The following FGD4 variants were observed in gnomAD, a reference collection of about 807,000 sequenced individuals.
The protein encoded by FGD4 is FYVE, RhoGEF and PH domain-containing protein 4.
In FGD4, 42 loss-of-function variants were observed where a neutral mutation model predicts 102.0. That is an observed-to-expected ratio of 0.41 (90% CI 0.32 to 0.53). The LOEUF (loss-of-function observed/expected upper bound fraction) is 0.53. Among genes scored for constraint, FGD4 ranks in the 20% least tolerant of loss-of-function variants. The pLI is 0.21. For synonymous variants in FGD4, 380 were observed against 375.7 expected, an observed-to-expected ratio of 1.01 and a Z score of -0.13; for missense variants, 902 against 1,078.2, an observed-to-expected ratio of 0.84 and a Z score of 2.29.
chr12:32,414,556 A>G (rs981022993), intron 1 of FGD4, among the ~76,000 whole-genome samples: 1 of 152,026 alleles, frequency 6.6e-6, no homozygotes, highest in Non-Finnish European at 1.5e-5. Flanking sequence ...GTACTCATTA[A>G]TCATCCCCAT....
chr12:32,406,233 T>C (rs113599948), intron 1 of FGD4, among the ~76,000 whole-genome samples: 9,489 of 151,884 alleles, frequency 0.062, 420 homozygotes, highest in Middle Eastern at 0.14. Flanking sequence ...TGAGCCACTG[T>C]GCCCAGCCTA....
chr12:32,428,429 A>G (rs1400092380), intron 1 of FGD4, among the ~76,000 whole-genome samples: 2 of 152,100 alleles, frequency 1.3e-5, no homozygotes, highest in Non-Finnish European at 2.9e-5. Flanking sequence ...CTGCAGAGAG[A>G]TCTGCTATTA....
chr12:32,446,473 C>A (rs1942620287), intron 1 of FGD4, among the ~76,000 whole-genome samples: 1 of 152,104 alleles, frequency 6.6e-6, no homozygotes, highest in African/African-American at 2.4e-5. Context: ...CTTAGCAAGG[C>A]CTGTTTGTTC....
rs186466468 is a variant in FGD4 at position 32,505,195 on chromosome 12, T to C, written c.167-58942T>C. 7.9e-5 allele frequency among the ~76,000 whole-genome samples: 12 copies of C among 152,284 alleles called. 1 individual carries two copies. In the East Asian group the frequency reaches 2.3e-3, roughly 29 times the overall value. Reference sequence around the variant, plus strand: ...AATCTGTTCGCATTTTTCACAATTTTGAGAAATAGATGTACTGAAAATTGC... The same window carrying C: ...AATCTGTTCGCATTTTTCACAATTTCGAGAAATAGATGTACTGAAAATTGC... On this transcript the variant is annotated intron_variant, in intron 1 of 16. Transcript: ENST00000534526.
intron 2 of FGD4, among the ~76,000 whole-genome samples, chr12:32,566,079 G>A (rs559975773): frequency 1.3e-5 from 2 of 152,278 alleles, no homozygotes; most frequent in South Asian, 4.1e-4. Flanking sequence ...TTTGTGATCT[G>A]AAAGTCCAAG....
At chr12:32,543,118 T>C (rs1942973501) in intron 1 of FGD4, among the ~76,000 whole-genome samples, 1 of 152,340 alleles carries the variant, frequency 6.6e-6, no homozygotes, top group East Asian at 1.9e-4. Flanking sequence ...TCAGATTTAA[T>C]AATTTGCTAG....
At chr12:32,490,049 T>C (rs951136154) in intron 1 of FGD4, among the ~76,000 whole-genome samples, 1 of 152,172 alleles carries the variant, frequency 6.6e-6, no homozygotes, top group Non-Finnish European at 1.5e-5. Context: ...ATAAAGATAT[T>C]TTCCTATAGT....
intron 1 of FGD4, among the ~76,000 whole-genome samples, chr12:32,420,159 T>C (rs562633586): frequency 6.6e-6 from 1 of 152,158 alleles, no homozygotes; most frequent in Non-Finnish European, 1.5e-5. Flanking sequence ...TCCATCATCT[T>C]GCTCTGCCCC....
chr12:32,596,088 CTTTGCTTTTAGAGT>C (rs149117509), intron 4 of FGD4, among the ~76,000 whole-genome samples: 4,619 of 152,270 alleles, frequency 0.03, 232 homozygotes, highest in African/African-American at 0.1. Flanking sequence ...CTTTGGTCTA[CTTTGCTTTTAGAGT>C]TTTGCCTATA....
At chr12:32,491,576 A>G (rs1944093086) in intron 1 of FGD4, among the ~76,000 whole-genome samples, 1 of 152,220 alleles carries the variant, frequency 6.6e-6, no homozygotes, top group African/African-American at 2.4e-5. Flanking sequence ...TGCATTTCAG[A>G]AAATGTATAT....
At position 32,633,775 on chromosome 12, in the gene FGD4, G is replaced by A. The variant is rs1950632514; in HGVS notation, c.2313+86G>A. ...CTGTCACCCAGGCTGAGGTGCAGTG[G>A]CACGATCTCAGCTCACTGCAACCTC... On this transcript the variant is annotated intron_variant, in intron 15 of 16. Transcript: ENST00000534526. The A allele has an allele frequency of 2.4e-6, 3 of 1,260,382 alleles. No homozygotes were observed. The African/African-American group carries it at 4.5e-5, about 19-fold the overall frequency. The allele number at this position is 1,260,382 out of a possible 1,614,324, so 78.1% of individuals were successfully genotyped here. A position where few individuals can be genotyped will look rare whatever the true frequency, so the allele number is the denominator to read the frequency against.
intron 2 of FGD4, among the ~76,000 whole-genome samples, chr12:32,569,805 C>T (rs1453946635): frequency 6.6e-6 from 1 of 152,030 alleles, no homozygotes; most frequent in Non-Finnish European, 1.5e-5. Flanking sequence ...AATAAACACC[C>T]TATATAGAGG....
At chr12:32,441,687 C>G (rs1942439997) in intron 1 of FGD4, among the ~76,000 whole-genome samples, 1 of 152,044 alleles carries the variant, frequency 6.6e-6, no homozygotes, top group African/African-American at 2.4e-5. Flanking sequence ...TTGCTTGTCC[C>G]CCTAGTCCAC....
intron 1 of FGD4, among the ~76,000 whole-genome samples, chr12:32,435,886 G>C (rs1424526430): frequency 6.6e-6 from 1 of 152,148 alleles, no homozygotes; most frequent in Non-Finnish European, 1.5e-5. Flanking sequence ...CAACAGCAAG[G>C]AGAGCTGAGA....
chr12:32,560,727 C>T (rs1404311489), intron 1 of FGD4, among the ~76,000 whole-genome samples: 4 of 152,134 alleles, frequency 2.6e-5, no homozygotes, highest in Non-Finnish European at 4.4e-5. Flanking sequence ...AGGTCTCCCT[C>T]TGTTGACCAG....
At chr12:32,635,406 T>C (rs1383987273) in intron 15 of FGD4, among the ~76,000 whole-genome samples, 3 of 152,224 alleles carry the variant, frequency 2.0e-5, no homozygotes, top group Admixed American at 2.0e-4. Context: ...GAAAAATTAA[T>C]GAATTACTTA....
At chr12:32,507,529 G>A (rs1360133773) in intron 1 of FGD4, among the ~76,000 whole-genome samples, 1 of 152,180 alleles carries the variant, frequency 6.6e-6, no homozygotes, top group East Asian at 1.9e-4. Context: ...TAAAAATCAT[G>A]TTAAGTGAGT....
rs575839052 is a variant in FGD4, at chr12:32,427,828, G to A, written c.166+27869G>A. 3.3e-5 allele frequency among the ~76,000 whole-genome samples: 5 copies of A among 152,206 alleles called. No homozygotes were observed. In the East Asian group the frequency reaches 9.6e-4, roughly 29 times the overall value. On this transcript the variant is annotated intron_variant, in intron 1 of 16. Coordinates refer to ENST00000534526, the MANE Select transcript of FGD4 (RefSeq NM_001370298.3). ...TTACCATTATGTAATGGCCTTCTTT[G>A]TCTCTCTTGATCTTTGTTGGTTTAA...
At chr12:32,610,877 T>C in intron 9 of FGD4, 43 bp downstream of exon 9, 2 of 1,573,060 alleles carry the variant, frequency 1.3e-6, no homozygotes, top group Middle Eastern at 1.7e-4. Context: ...GATTAGACAA[T>C]TATCAATAAT....
Sources: gnomAD v4.1 joint callset for allele counts (sites outside exome capture counted in the v4.1 genomes callset) on GRCh38, gnomAD v4.1.1 for gene constraint, MANE v1.5 for transcripts, NCBI Gene and HGNC (gene_info 2026-07-23, HGNC 2026-07-21) for gene names.